The following HECTD4 variants were observed in gnomAD, a reference collection of about 807,000 sequenced individuals.
HECTD4 encodes the protein probable E3 ubiquitin-protein ligase HECTD4.
HECTD4 carries 114 observed loss-of-function variants against 471.5 expected under a neutral mutation model. That is an observed-to-expected ratio of 0.24 (90% CI 0.21 to 0.28). The LOEUF is 0.28. Among genes scored for constraint, HECTD4 ranks in the 10% least tolerant of loss-of-function variants. The pLI, the probability that HECTD4 is intolerant of heterozygous loss-of-function variation, is 1.00. For missense variants in HECTD4, 3,866 were observed against 5,651.5 expected (o/e 0.68, Z 10.13); for synonymous variants, 2,012 against 2,256.0 (o/e 0.89, Z 3.07).
At chr12:112,280,369 T>C (rs2034610673) in intron 8 of HECTD4, among the ~76,000 whole-genome samples, 1 of 152,216 alleles carries the variant, frequency 6.6e-6, no homozygotes, top group South Asian at 2.1e-4. Flanking sequence ...ATTTTCTATA[T>C]ACAAGCCTAG....
chr12:112,274,517 G>A (rs1365750500), intron 10 of HECTD4, among the ~76,000 whole-genome samples: 1 of 152,184 alleles, frequency 6.6e-6, no homozygotes, highest in Non-Finnish European at 1.5e-5. Context: ...ACCAGCCTGG[G>A]TGACATAGTG....
At chr12:112,285,231 GTC>G (rs1429363507) in intron 7 of HECTD4, among the ~76,000 whole-genome samples, 4 of 152,226 alleles carry the variant, frequency 2.6e-5, no homozygotes, top group Admixed American at 6.5e-5. Context: ...CCTCCTTCCT[GTC>G]TCTCTCTTTG....
At chr12:112,294,428 G>A (rs2034960392) in intron 7 of HECTD4, among the ~76,000 whole-genome samples, 1 of 152,088 alleles carries the variant, frequency 6.6e-6, no homozygotes, top group African/African-American at 2.4e-5. Flanking sequence ...AATCATAGGA[G>A]GTCTATGGCT....
In HECTD4 at chr12:112,274,788, C is replaced by T. The variant is rs1020687660; in HGVS notation, c.1801+59G>A. ...GCCACAGGGAACTGGCAAGACAGTT[C>T]AAGAGAAATTTGCTAAAACTTGAAA... On this transcript the variant is annotated intron_variant, in intron 10 of 75. Coordinates refer to ENST00000682272, the MANE Select transcript of HECTD4 (RefSeq NM_001388303.1). 3 of 1,028,408 alleles carry T rather than the reference C, an allele frequency of 2.9e-6. No individual in the cohort carries two copies. In the African/African-American group the frequency reaches 4.8e-5, roughly 16 times the overall value. The allele number at this position is 1,028,408 out of a possible 1,614,324, so 63.7% of individuals were successfully genotyped here. A position where few individuals can be genotyped will look rare whatever the true frequency, so the allele number is the denominator to read the frequency against.
chr12:112,273,174 T>C (rs2034453431), intron 11 of HECTD4, among the ~76,000 whole-genome samples: 1 of 152,224 alleles, frequency 6.6e-6, no homozygotes, highest in African/African-American at 2.4e-5. Context: ...GAGTGATTAA[T>C]TCCTCCATAT....
At chr12:112,363,992 C>CAA (rs1175386198) in intron 1 of HECTD4, among the ~76,000 whole-genome samples, 3,407 of 52,550 alleles carry the variant, frequency 0.065, 136 homozygotes, top group African/African-American at 0.14. Context: ...ACTCAATCTC[C>CAA]AAAAAAAAAA....
At chr12:112,226,613 C>T in intron 44 of HECTD4, 30 bp downstream of exon 44, 1 of 1,417,438 alleles carries the variant, frequency 7.1e-7, no homozygotes, top group Non-Finnish European at 9.8e-7. Context: ...TTCAATAAAA[C>T]AGGGTGGTAA....
intron 49 of HECTD4, among the ~76,000 whole-genome samples, chr12:112,212,070 T>C (rs1202827247): frequency 6.6e-6 from 1 of 152,224 alleles, no homozygotes; most frequent in African/African-American, 2.4e-5. Context: ...TAAATATGTA[T>C]GAGGATGCTG....
chr12:112,344,545 G>GGATAGA (rs537801722), intron 1 of HECTD4, among the ~76,000 whole-genome samples: 8 of 152,328 alleles, frequency 5.3e-5, no homozygotes, highest in Middle Eastern at 3.4e-3. Context: ...ATACAGAAGA[G>GGATAGA]GATAGACTGG....
rs376511534 is a variant in HECTD4, at chr12:112,194,838, C to T, written c.8749+47G>A. The T allele has an allele frequency of 3.3e-5, 51 of 1,538,548 alleles. No homozygotes were observed. Among genetic ancestry groups the T allele is most frequent in the Middle Eastern group, 1.7e-4 (1 of 5,960 alleles). On this transcript the variant is annotated intron_variant, in intron 56 of 75. Coordinates refer to ENST00000682272, the MANE Select transcript of HECTD4 (RefSeq NM_001388303.1). This position sits in a 1 kb window ranked among gnomAD's most constrained non-coding sequence, Gnocchi z 4.6. ...GAATGACTACACTGTGCACAGCGCCCGCCTGGTGCTAAGTTCCAGAGTGAC... is the reference window on the plus strand; with the variant it reads ...GAATGACTACACTGTGCACAGCGCCTGCCTGGTGCTAAGTTCCAGAGTGAC...
intron 1 of HECTD4, among the ~76,000 whole-genome samples, chr12:112,344,656 C>T (rs1186249911): frequency 6.6e-6 from 1 of 152,198 alleles, no homozygotes; most frequent in Non-Finnish European, 1.5e-5. Context: ...TGGTAGCTCA[C>T]ACCTGTAATC....
intron 17 of HECTD4, chr12:112,261,652 C>G (rs1261446407): frequency 2.3e-6 from 1 of 431,660 alleles, no homozygotes; most frequent in Non-Finnish European, 4.2e-6. Context: ...GTCTGGAGAG[C>G]TGACAGAAAT....
chr12:112,366,352 A>T (rs1050232748), intron 1 of HECTD4, among the ~76,000 whole-genome samples: 8 of 151,718 alleles, frequency 5.3e-5, no homozygotes, highest in Admixed American at 1.3e-4. Flanking sequence ...CTACAAAAAA[A>T]TTTTTTTTAA....
At chr12:112,267,096 C>G (rs889774250) in intron 13 of HECTD4, 114 bp from the exon 14 acceptor site, 34 of 652,026 alleles carry the variant, frequency 5.2e-5, no homozygotes, top group Non-Finnish European at 8.7e-5. Context: ...GGCAATCTGG[C>G]TGCGACATCT....
intron 2 of HECTD4, among the ~76,000 whole-genome samples, chr12:112,317,050 G>C (rs1306157306): frequency 6.6e-6 from 1 of 152,176 alleles, no homozygotes; most frequent in African/African-American, 2.4e-5. Flanking sequence ...AAACTAAAGA[G>C]TTGATAATTA....
chr12:112,371,222 CTG>C lies in HECTD4; in HGVS notation c.177+10728_177+10729del, dbSNP rs148811955. On this transcript the variant is annotated intron_variant, in intron 1 of 75. Coordinates refer to ENST00000682272, the MANE Select transcript of HECTD4 (RefSeq NM_001388303.1). ...CCTTAGGTATACAATTGGAGAAAAA[CTG>C]AAACAGAGACTATCTATTATCTCAT... is the stretch of plus-strand genomic sequence containing the variant. Among the ~76,000 whole-genome samples the C allele has an allele frequency of 5.7e-3, 863 of 152,246 alleles. 4 individuals carry two copies. The highest frequency in any genetic ancestry group is 0.01 in the Admixed American group (156 of 15,274).
At position 112,193,150 on chromosome 12, in the gene HECTD4, G is replaced by A. The variant is rs769358133; in HGVS notation, c.8997C>T (p.Ser2999=). 7 of 1,613,822 alleles carry A rather than the reference G, an allele frequency of 4.3e-6. No homozygotes were observed. Among genetic ancestry groups the A allele is most frequent in the South Asian group, 1.1e-5 (1 of 91,058 alleles). The change falls in exon 58 of 76, where the codon TCC becomes TCT. Residue 2999 remains serine (S), a synonymous_variant. Transcript: ENST00000682272. This position sits in a 1 kb window ranked among gnomAD's most constrained non-coding sequence, Gnocchi z 5.2. The stretch of plus-strand genomic sequence containing the variant: ...TCACGTCCATGTTGACTTTGGATTC[G>A]GAAATTGGGAACTCTTCGGAGGGGA... ...EQFPSEEFPI[S]ESKVNMDVNF...
chr12:112,182,946 G>A (rs1188354239), intron 62 of HECTD4, 113 bp downstream of exon 62: 2 of 741,054 alleles, frequency 2.7e-6, no homozygotes, highest in African/African-American at 3.5e-5. Context: ...AATGCAAGAT[G>A]TTAAAAATAG....
chr12:112,279,958 T>G (rs1024610695), intron 8 of HECTD4, among the ~76,000 whole-genome samples: 1 of 152,216 alleles, frequency 6.6e-6, no homozygotes, highest in East Asian at 1.9e-4. Context: ...AACATTTCCT[T>G]TGAGCATCAT....
Sources: gnomAD v4.1 joint callset for allele counts (sites outside exome capture counted in the v4.1 genomes callset) on GRCh38, gnomAD v4.1.1 for gene constraint, Gnocchi (gnomAD v3.1) non-coding constraint, MANE v1.5 for transcripts, NCBI Gene and HGNC (gene_info 2026-07-23, HGNC 2026-07-21) for gene names.